The following IQCH variants were observed in gnomAD, a reference collection of about 807,000 sequenced individuals.
IQCH encodes IQ motif containing H, also known as IQ domain-containing protein H.
IQCH carries 98 observed loss-of-function variants against 117.0 expected under a neutral mutation model. That is an observed-to-expected ratio of 0.84 (90% CI 0.71 to 0.99). IQCH has a LOEUF of 0.99. Among genes scored for constraint, IQCH ranks in the 50% least tolerant of loss-of-function variants. The probability of loss-of-function intolerance (pLI) is 0.00; values close to 1 mark genes in which losing one functional copy is unlikely to be tolerated. For missense variants in IQCH, 1,102 were observed against 1,243.8 expected, an observed-to-expected ratio of 0.89 and a Z score of 1.72; for synonymous variants, 412 against 448.2, an observed-to-expected ratio of 0.92 and a Z score of 1.02.
At position 67,494,186 on chromosome 15, in the gene IQCH, T is replaced by G. The variant is rs2083741546; in HGVS notation, c.2862-72T>G. ...AATTCCATCACCAGACAGGCACAAATGAGAGGGCGATTGTTTTTAAGCATG... is the reference window on the plus strand; with the variant it reads ...AATTCCATCACCAGACAGGCACAAAGGAGAGGGCGATTGTTTTTAAGCATG... On this transcript the variant is annotated intron_variant, in intron 19 of 20. Transcript: ENST00000335894. The surrounding 1 kb of genome is among the most constrained non-coding windows in gnomAD (Gnocchi z 5.5). 1 of 1,057,860 alleles carries G rather than the reference T, an allele frequency of 9.5e-7. No individual in the cohort carries two copies. The highest frequency in any genetic ancestry group is 2.8e-5 in the Admixed American group (1 of 35,532). 65.5% of individuals were successfully genotyped at this position (1,057,860 alleles called of 1,614,324 possible). A position where few individuals can be genotyped will look rare whatever the true frequency, so the allele number is the denominator to read the frequency against.
rs376176020 is a variant in IQCH at position 67,387,965 on chromosome 15, C to T, written c.1457-866C>T. 1.2e-4 allele frequency among the ~76,000 whole-genome samples: 19 copies of T among 152,308 alleles called. No individual in the cohort carries two copies. Among genetic ancestry groups the T allele is most frequent in the African/African-American group, 4.6e-4 (19 of 41,572 alleles). ...TAAGTACCTGGTCTGCATGCTTCATCGTGCCCACAATGATTACTGTATTTC... is the reference window on the plus strand; with the variant it reads ...TAAGTACCTGGTCTGCATGCTTCATTGTGCCCACAATGATTACTGTATTTC... On this transcript the variant is annotated intron_variant, in intron 11 of 20. Coordinates refer to ENST00000335894, the MANE Select transcript of IQCH (RefSeq NM_001031715.3). The surrounding 1 kb of genome is among the most constrained non-coding windows in gnomAD (Gnocchi z 4.8).
At chr15:67,288,768 G>A (rs1234701887) in intron 4 of IQCH, among the ~76,000 whole-genome samples, 1 of 152,054 alleles carries the variant, frequency 6.6e-6, no homozygotes, top group Admixed American at 6.6e-5. Context: ...AACTACGTTA[G>A]GTACTCTTCT....
At position 67,496,636 on chromosome 15, in the gene IQCH, G is replaced by A. The variant is rs867240728; in HGVS notation, c.2970+2270G>A. On this transcript the variant is annotated intron_variant, in intron 20 of 20. Transcript: ENST00000335894. The surrounding 1 kb of genome is among the most constrained non-coding windows in gnomAD (Gnocchi z 4.4). ...AAGGTGGGAGGATTACTTGCACTCA[G>A]GAGTTTGAGACCAGCCTGGGCAACA... 6.6e-6 allele frequency among the ~76,000 whole-genome samples: 1 copy of A among 152,032 alleles called. No homozygotes were observed. The highest frequency in any genetic ancestry group is 1.5e-5 in the Non-Finnish European group (1 of 68,012).
chr15:67,350,878 A>G (rs1350609044), intron 6 of IQCH, among the ~76,000 whole-genome samples: 1 of 152,178 alleles, frequency 6.6e-6, no homozygotes, highest in Non-Finnish European at 1.5e-5. Flanking sequence ...TGGGGGAGGG[A>G]CACCTGCTTG....
At chr15:67,330,151 C>CTG (rs1409773962) in intron 4 of IQCH, among the ~76,000 whole-genome samples, 1 of 152,086 alleles carries the variant, frequency 6.6e-6, no homozygotes, top group Admixed American at 6.6e-5. Flanking sequence ...AGAACCTTGT[C>CTG]TGAAAGCCAC....
chr15:67,304,586 G>A (rs1429082657), intron 4 of IQCH: 1 of 475,500 alleles, frequency 2.1e-6, no homozygotes, highest in African/African-American at 2.0e-5. Flanking sequence ...TTTTGGAGAT[G>A]AAATGGCTCT....
intron 4 of IQCH, among the ~76,000 whole-genome samples, chr15:67,317,128 C>G (rs987574749): frequency 6.6e-6 from 1 of 152,166 alleles, no homozygotes; most frequent in Non-Finnish European, 1.5e-5. Flanking sequence ...TATAAATTTG[C>G]ATTTATTTGT....
At chr15:67,400,459 C>T (rs1244405622) in intron 14 of IQCH, among the ~76,000 whole-genome samples, 154 bp downstream of exon 14, 1 of 145,166 alleles carries the variant, frequency 6.9e-6, no homozygotes, top group African/African-American at 2.5e-5. Flanking sequence ...CTTATATACA[C>T]AATGAATGGG....
intron 18 of IQCH, among the ~76,000 whole-genome samples, chr15:67,488,144 C>T (rs2083545302): frequency 2.6e-5 from 4 of 152,248 alleles, no homozygotes; most frequent in Admixed American, 2.6e-4. Flanking sequence ...AAAACCCTAT[C>T]TCTACCAAAA....
intron 16 of IQCH, among the ~76,000 whole-genome samples, chr15:67,435,869 T>TA (rs78859437): frequency 1.0e-3 from 145 of 138,448 alleles, no homozygotes; most frequent in South Asian, 1.9e-3. Context: ...AGACCCTGTC[T>TA]AAAAAAAAAA....
intron 1 of IQCH, among the ~76,000 whole-genome samples, chr15:67,260,991 G>A (rs1245874022): frequency 2.0e-5 from 3 of 151,636 alleles, no homozygotes; most frequent in Non-Finnish European, 4.4e-5. Context: ...AGCTACTCAG[G>A]AGGCTGAGGC....
At position 67,465,364 on chromosome 15, in the gene IQCH, T is replaced by G. The variant is rs1596445082; in HGVS notation, c.2676+67T>G. 2 of 1,493,312 alleles carry G rather than the reference T, an allele frequency of 1.3e-6. No homozygotes were observed. The highest frequency in any genetic ancestry group is 1.8e-6 in the Non-Finnish European group (2 of 1,094,098). The allele number at this position is 1,493,312 out of a possible 1,614,324, so 92.5% of individuals were successfully genotyped here. Reference sequence around the variant, plus strand: ...ACACCCACTGCCACTGCCTGAGCTCTGTCTAGGAGCCAGGATCTTTGAGTA... The same window carrying G: ...ACACCCACTGCCACTGCCTGAGCTCGGTCTAGGAGCCAGGATCTTTGAGTA... On this transcript the variant is annotated intron_variant, in intron 17 of 20. Transcript: ENST00000335894. The surrounding 1 kb of genome is among the most constrained non-coding windows in gnomAD (Gnocchi z 5.9).
At chr15:67,300,011 G>C (rs1966944925) in intron 4 of IQCH, among the ~76,000 whole-genome samples, 1 of 151,956 alleles carries the variant, frequency 6.6e-6, no homozygotes, top group Non-Finnish European at 1.5e-5. Flanking sequence ...ATTTCATTAG[G>C]AATTACAAAG....
rs1174414517 is a variant in IQCH, at chr15:67,418,577, C to CTT, written c.2218+1543_2218+1544dup. Among the ~76,000 whole-genome samples, 91 of 103,390 alleles carry CTT rather than the reference C, an allele frequency of 8.8e-4. 4 individuals carry two copies. Among genetic ancestry groups the CTT allele is most frequent in the Middle Eastern group, 6.5e-3 (1 of 154 alleles). 67.8% of individuals were successfully genotyped at this position (103,390 alleles called of 152,430 possible). On this transcript the variant is annotated intron_variant, in intron 15 of 20. Coordinates refer to ENST00000335894, the MANE Select transcript of IQCH (RefSeq NM_001031715.3). The stretch of plus-strand genomic sequence containing the variant: ...CAAGATCAATAATAGGGTGTTTTTA[C>CTT]TTTTTTTTTTTTTTTTTTGAGATGG...
rs1164859142 is a variant in IQCH, at chr15:67,381,375, T to C, written c.1373-3561T>C. 6.6e-6 allele frequency among the ~76,000 whole-genome samples: 1 copy of C among 152,180 alleles called. No homozygotes were observed. Among genetic ancestry groups the C allele is most frequent in the Non-Finnish European group, 1.5e-5 (1 of 68,030 alleles). On this transcript the variant is annotated intron_variant, in intron 10 of 20. Coordinates refer to ENST00000335894, the MANE Select transcript of IQCH (RefSeq NM_001031715.3). The surrounding 1 kb of genome is among the most constrained non-coding windows in gnomAD (Gnocchi z 5.1). ...GCAGCTCTCAGGTAAGCTTCTTTGA[T>C]GTAGAGACAATAATATTTCACAACT...
At chr15:67,371,035 A>G (rs951362393) in intron 8 of IQCH, among the ~76,000 whole-genome samples, 2 of 152,142 alleles carry the variant, frequency 1.3e-5, no homozygotes, top group Non-Finnish European at 2.9e-5. Flanking sequence ...ACAGTTTGGT[A>G]AAGATGGGCT....
intron 7 of IQCH, among the ~76,000 whole-genome samples, chr15:67,358,398 G>T (rs1224250427): frequency 8.0e-5 from 11 of 137,868 alleles, no homozygotes; most frequent in East Asian, 4.5e-4. Context: ...GTTTCGCTAT[G>T]TTGGCCAGGC....
intron 4 of IQCH, among the ~76,000 whole-genome samples, chr15:67,293,432 C>T (rs1370456753): frequency 2.0e-5 from 3 of 152,118 alleles, no homozygotes; most frequent in African/African-American, 7.2e-5. Context: ...GTAATATTTG[C>T]ATATAACCTA....
rs1442470399 is a variant in IQCH, at chr15:67,490,067, G to A, written c.2861+3G>A. On this transcript the variant is annotated splice_donor_region_variant and intron_variant, in intron 19 of 20. Coordinates refer to ENST00000335894, the MANE Select transcript of IQCH (RefSeq NM_001031715.3). This position sits in a 1 kb window ranked among gnomAD's most constrained non-coding sequence, Gnocchi z 4.9. Reference sequence around the variant, plus strand: ...AAGAGACACAAGTTGGGAATGTTGTGAGTATGAAGTGTATCTGTGAGTTGC... The same window carrying A: ...AAGAGACACAAGTTGGGAATGTTGTAAGTATGAAGTGTATCTGTGAGTTGC... 4 of 1,599,616 alleles carry A rather than the reference G, an allele frequency of 2.5e-6. No homozygotes were observed. The highest frequency in any genetic ancestry group is 3.3e-4 in the Middle Eastern group (2 of 6,042).
Sources: gnomAD v4.1 joint callset for allele counts (sites outside exome capture counted in the v4.1 genomes callset) on GRCh38, gnomAD v4.1.1 for gene constraint, Gnocchi (gnomAD v3.1) non-coding constraint, MANE v1.5 for transcripts, NCBI Gene and HGNC (gene_info 2026-07-23, HGNC 2026-07-21) for gene names.